CNTN1: variants seen among roughly 807,000 people sequenced by gnomAD.
CNTN1 encodes contactin 1, also known as contactin-1.
Under a neutral mutation model 126.4 loss-of-function variants are expected in CNTN1, and 38 were observed. That is an observed-to-expected ratio of 0.30 (90% confidence interval 0.23 to 0.39). The LOEUF is 0.39. Ranked by LOEUF, CNTN1 falls within the 10% of genes least tolerant of loss-of-function variation. CNTN1 has a pLI of 1.00. For missense variants in CNTN1, 1,009 were observed against 1,248.4 expected, an observed-to-expected ratio of 0.81 and a Z score of 2.89; for synonymous variants, 413 against 422.6, an observed-to-expected ratio of 0.98 and a Z score of 0.28.
intron 1 of CNTN1, among the ~76,000 whole-genome samples, chr12:40,707,053 C>CGCGT (rs1941769057): frequency 4.2e-3 from 3 of 708 alleles, no homozygotes; most frequent in Non-Finnish European, 0.011. Context: ...TGCGCACACA[C>CGCGT]ACACACACAC....
At position 40,933,765 on chromosome 12, in the gene CNTN1, C is replaced by CT. The variant is rs749834632; in HGVS notation, c.873dup (p.Gly292TrpfsTer5). On this transcript the variant is annotated frameshift_variant, in exon 9 of 24. Transcript: ENST00000551295. LOFTEE classifies it high-confidence loss of function. ...CCAAGCACTGCTGAGATTAGCACCT[C>CT]TGGGGCTGTTCTTAAGATCTTCAAT... 1 of 1,612,576 alleles carries CT rather than the reference C, an allele frequency of 6.2e-7. No homozygotes were observed. Among genetic ancestry groups the CT allele is most frequent in the Non-Finnish European group, 8.5e-7 (1 of 1,178,926 alleles).
rs565241104 is a variant in CNTN1, at chr12:40,819,229, C to T, written c.-76-89128C>T. Among the ~76,000 whole-genome samples, 12 of 152,196 alleles carry T rather than the reference C, an allele frequency of 7.9e-5. No individual in the cohort carries two copies. The South Asian group carries it at 2.5e-3, about 32-fold the overall frequency. ...CCCTTGGTGGAAAGGGTGTGTTTTG[C>T]TGGGGGGAAGCCCACTTCTCTGGGC... On this transcript the variant is annotated intron_variant, in intron 1 of 23. Transcript: ENST00000551295.
At chr12:40,776,565 C>A (rs1405420256) in intron 1 of CNTN1, among the ~76,000 whole-genome samples, 1 of 151,590 alleles carries the variant, frequency 6.6e-6, no homozygotes, top group Non-Finnish European at 1.5e-5. Context: ...TTTAAAAATG[C>A]CCATTGAGCT....
chr12:40,966,062 G>C (rs1246654696), intron 15 of CNTN1, among the ~76,000 whole-genome samples: 1 of 148,858 alleles, frequency 6.7e-6, no homozygotes, highest in Non-Finnish European at 1.5e-5. Flanking sequence ...AGAGATCCAG[G>C]AAAGAGACGA....
chr12:41,020,497 T>G lies in CNTN1; in HGVS notation c.2523+57T>G, dbSNP rs569943621. ...TTATTCATAAATATATAAGCATACGTTTTCAAATGTGTTGTATGTTTCAAT... is the reference window on the plus strand; with the variant it reads ...TTATTCATAAATATATAAGCATACGGTTTCAAATGTGTTGTATGTTTCAAT... On this transcript the variant is annotated intron_variant, in intron 20 of 23. Coordinates refer to ENST00000551295, the MANE Select transcript of CNTN1 (RefSeq NM_001843.4). 2.0e-4 allele frequency: 220 copies of G among 1,100,532 alleles called. 1 individual carries two copies. In the Middle Eastern group the frequency reaches 2.4e-3, roughly 12 times the overall value. The allele number at this position is 1,100,532 out of a possible 1,614,324, so 68.2% of individuals were successfully genotyped here. A position where few individuals can be genotyped will look rare whatever the true frequency, so the allele number is the denominator to read the frequency against.
rs556087397 is a variant in CNTN1, at chr12:40,809,118, A to T, written c.-76-99239A>T. Reference sequence around the variant, plus strand: ...TCTAATTGAAATATTGTGTATTTCTATATAAAGTAACACTTTGTTCAGAAA... The same window carrying T: ...TCTAATTGAAATATTGTGTATTTCTTTATAAAGTAACACTTTGTTCAGAAA... On this transcript the variant is annotated intron_variant, in intron 1 of 23. Transcript: ENST00000551295. Among the ~76,000 whole-genome samples, 5 of 152,320 alleles carry T rather than the reference A, an allele frequency of 3.3e-5. No individual in the cohort carries two copies. The South Asian group carries it at 1.0e-3, about 32-fold the overall frequency.
intron 12 of CNTN1, among the ~76,000 whole-genome samples, chr12:40,942,051 A>G (rs1946280523): frequency 1.3e-5 from 2 of 152,160 alleles, no homozygotes; most frequent in African/African-American, 4.8e-5. Context: ...AGCTAAAAAT[A>G]TTAGCATGAT....
At position 40,827,737 on chromosome 12, in the gene CNTN1, A is replaced by G. The variant is rs756766449; in HGVS notation, c.-76-80620A>G. 4.6e-5 allele frequency among the ~76,000 whole-genome samples: 7 copies of G among 151,988 alleles called. No homozygotes were observed. The South Asian group carries it at 8.3e-4, about 18-fold the overall frequency. On this transcript the variant is annotated intron_variant, in intron 1 of 23. Transcript: ENST00000551295. Reference sequence around the variant, plus strand: ...GTTGCAGGGTTGGAGGCTTCTGCCTATGATTTAGGTTGTAATTTTATTTGT... The same window carrying G: ...GTTGCAGGGTTGGAGGCTTCTGCCTGTGATTTAGGTTGTAATTTTATTTGT...
chr12:40,859,611 C>G (rs1221587047), intron 1 of CNTN1, among the ~76,000 whole-genome samples: 1 of 151,988 alleles, frequency 6.6e-6, no homozygotes. Context: ...TAACCTAATA[C>G]AGAGAGTAAT....
intron 1 of CNTN1, among the ~76,000 whole-genome samples, chr12:40,823,213 T>C (rs1941506917): frequency 6.6e-6 from 1 of 152,158 alleles, no homozygotes; most frequent in African/African-American, 2.4e-5. Flanking sequence ...ATACTTTTTA[T>C]ATAACAGGGA....
At chr12:40,696,782 G>T (rs11177862) in intron 1 of CNTN1, among the ~76,000 whole-genome samples, 30,634 of 151,892 alleles carry the variant, frequency 0.2, 3,196 homozygotes, top group Middle Eastern at 0.28. Flanking sequence ...ATTATTATAA[G>T]GACATCTAAA....
chr12:40,922,233 A>T (rs1169634170), intron 4 of CNTN1, 23 bp from the exon 5 acceptor site: 4 of 1,610,652 alleles, frequency 2.5e-6, no homozygotes, highest in Non-Finnish European at 2.5e-6. Context: ...CTGTGATATG[A>T]CCTTTGTGTC....
At chr12:40,768,404 CAAATCCCT>C (rs1939206549) in intron 1 of CNTN1, among the ~76,000 whole-genome samples, 2 of 123,480 alleles carry the variant, frequency 1.6e-5, no homozygotes, top group African/African-American at 5.8e-5. Flanking sequence ...ACTGCTTTTA[CAAATCCCT>C]TATAAGCACA....
At position 40,904,158 on chromosome 12, in the gene CNTN1, A is replaced by G. The variant is rs1256593194; in HGVS notation, c.-76-4199A>G. 6.6e-5 allele frequency among the ~76,000 whole-genome samples: 10 copies of G among 152,008 alleles called. No individual in the cohort carries two copies. In the East Asian group the frequency reaches 9.8e-4, roughly 15 times the overall value. ...CTCAGCCTCCCGAGTAGCTGGGACT[A>G]CAGGCGCCTGCCACCACGCACAGCT... On this transcript the variant is annotated intron_variant, in intron 1 of 23. Transcript: ENST00000551295.
intron 15 of CNTN1, among the ~76,000 whole-genome samples, chr12:40,961,850 C>T (rs995707827): frequency 2.0e-5 from 3 of 151,958 alleles, no homozygotes; most frequent in Non-Finnish European, 2.9e-5. Context: ...TTAAAAGATT[C>T]GATTTGCACT....
chr12:40,757,804 G>A (rs1377639999), intron 1 of CNTN1, among the ~76,000 whole-genome samples: 1 of 152,060 alleles, frequency 6.6e-6, no homozygotes, highest in African/African-American at 2.4e-5. Context: ...TCTTAAGTTA[G>A]TCTTTCTTTA....
chr12:40,854,028 A>G (rs1425200140), intron 1 of CNTN1, among the ~76,000 whole-genome samples: 1 of 148,694 alleles, frequency 6.7e-6, no homozygotes, highest in Non-Finnish European at 1.5e-5. Context: ...AGCATCCTAG[A>G]TCAAAATGAT....
intron 1 of CNTN1, among the ~76,000 whole-genome samples, chr12:40,761,748 T>G (rs1938873043): frequency 6.6e-6 from 1 of 152,150 alleles, no homozygotes; most frequent in Non-Finnish European, 1.5e-5. Flanking sequence ...TGGGGACTGT[T>G]TGTGTCTTCA....
chr12:41,009,106 AGG>A (rs1948581883), intron 17 of CNTN1, among the ~76,000 whole-genome samples: 1 of 152,182 alleles, frequency 6.6e-6, no homozygotes, highest in South Asian at 2.1e-4. Flanking sequence ...TGGATTTTCT[AGG>A]GGAGTTTCCC....
Sources: allele counts gnomAD v4.1 joint callset (sites outside exome capture counted in the v4.1 genomes callset), GRCh38; gene constraint gnomAD v4.1.1; transcripts MANE v1.5; gene names NCBI Gene and HGNC (gene_info 2026-07-23, HGNC 2026-07-21).